The following CSTPP1 variants were observed in gnomAD, a reference collection of about 807,000 sequenced individuals.
CSTPP1 encodes the protein centriolar satellite-associated tubulin polyglutamylase complex regulator 1.
chr11:47,037,853 C>T, the CSTPP1 span, among the ~76,000 whole-genome samples: 8 of 128,146 alleles, frequency 6.2e-5, 2 homozygotes, highest in Non-Finnish European at 1.5e-4. Flanking sequence ...CCTTTCTATT[C>T]CACAAAACCG....
the CSTPP1 span, among the ~76,000 whole-genome samples, chr11:47,020,446 C>T: frequency 6.6e-6 from 1 of 151,818 alleles, no homozygotes; most frequent in Middle Eastern, 3.4e-3. Context: ...AGTTTTGTGC[C>T]CTGTTGACCA....
At chr11:47,054,007 T>A in the CSTPP1 span, among the ~76,000 whole-genome samples, 1 of 151,756 alleles carries the variant, frequency 6.6e-6, no homozygotes, top group Non-Finnish European at 1.5e-5. Flanking sequence ...AAGGCTTTTT[T>A]TTTTTTAAAG....
At chr11:47,115,375 C>A in the CSTPP1 span, among the ~76,000 whole-genome samples, 1 of 152,216 alleles carries the variant, frequency 6.6e-6, no homozygotes, top group Non-Finnish European at 1.5e-5. Context: ...CCCTCTTTTT[C>A]TATTGATTGG....
chr11:47,106,786 C>A, the CSTPP1 span, among the ~76,000 whole-genome samples: 1 of 152,172 alleles, frequency 6.6e-6, no homozygotes, highest in Non-Finnish European at 1.5e-5. Flanking sequence ...GCCCTTCCTG[C>A]CACCAAGGTA....
the CSTPP1 span, among the ~76,000 whole-genome samples, chr11:47,004,649 A>G: frequency 6.6e-6 from 1 of 152,180 alleles, no homozygotes; most frequent in South Asian, 2.1e-4. Context: ...TGCATATGCC[A>G]TTTTCTCACT....
chr11:47,112,258 A>G, the CSTPP1 span, among the ~76,000 whole-genome samples: 1 of 151,964 alleles, frequency 6.6e-6, no homozygotes, highest in Admixed American at 6.6e-5. Flanking sequence ...CTTTTTTTCC[A>G]TTATATTTAT....
At chr11:47,160,841 G>C in the CSTPP1 span, 1 of 467,434 alleles carries the variant, frequency 2.1e-6, no homozygotes, top group Admixed American at 3.6e-5. Context: ...CCAGCACCAG[G>C]TCACAACCAC....
At chr11:47,014,715 AAGAG>A in the CSTPP1 span, among the ~76,000 whole-genome samples, 4 of 148,332 alleles carry the variant, frequency 2.7e-5, no homozygotes, top group Non-Finnish European at 6.0e-5. Context: ...AAGAAAGAGA[AAGAG>A]AGAGAAAGAA....
At chr11:46,996,238 C>T in the CSTPP1 span, among the ~76,000 whole-genome samples, 2 of 152,080 alleles carry the variant, frequency 1.3e-5, no homozygotes, top group African/African-American at 4.8e-5. Context: ...TCCAATTTGC[C>T]AGTCTGTGTC....
the CSTPP1 span, among the ~76,000 whole-genome samples, chr11:47,020,322 T>G: frequency 6.6e-6 from 1 of 152,200 alleles, no homozygotes; most frequent in African/African-American, 2.4e-5. Flanking sequence ...TTTTATAAAA[T>G]AATGTATTTA....
At chr11:47,164,012 G>C in the CSTPP1 span, 1 of 1,491,628 alleles carries the variant, frequency 6.7e-7, no homozygotes. Context: ...CAAGGGGCAG[G>C]ACTGCTGAGG....
At chr11:47,130,003 A>C in the CSTPP1 span, among the ~76,000 whole-genome samples, 7 of 152,206 alleles carry the variant, frequency 4.6e-5, no homozygotes, top group African/African-American at 1.7e-4. Flanking sequence ...TCACGCCTAT[A>C]ATCCCAGCAC....
At chr11:46,968,334 AATAT>A in the CSTPP1 span, among the ~76,000 whole-genome samples, 1 of 147,144 alleles carries the variant, frequency 6.8e-6, no homozygotes, top group East Asian at 1.9e-4. Context: ...AAATGGCATA[AATAT>A]ATATATATTT....
the CSTPP1 span, among the ~76,000 whole-genome samples, chr11:47,056,557 A>G: frequency 6.6e-6 from 1 of 152,212 alleles, no homozygotes; most frequent in South Asian, 2.1e-4. Context: ...TGCCATAAAC[A>G]AGACCTAGAT....
the CSTPP1 span, among the ~76,000 whole-genome samples, chr11:47,067,402 T>C: frequency 2.0e-5 from 3 of 152,188 alleles, no homozygotes; most frequent in East Asian, 3.9e-4. Context: ...ATGACTGAAC[T>C]GTGTCTGCCC....
the CSTPP1 span, among the ~76,000 whole-genome samples, chr11:47,131,925 C>T: frequency 3.3e-5 from 5 of 151,688 alleles, no homozygotes; most frequent in Admixed American, 1.3e-4. Context: ...TGCCATGAGC[C>T]GAGATTGTGC....
At chr11:47,053,619 CAAAAAAAA>C in the CSTPP1 span, among the ~76,000 whole-genome samples, 1 of 96,598 alleles carries the variant, frequency 1.0e-5, no homozygotes, top group Non-Finnish European at 2.1e-5. Flanking sequence ...GACTCTGCCT[CAAAAAAAA>C]AAAAAAAGAA....
chr11:47,122,092 ATATATATAT>A, the CSTPP1 span, among the ~76,000 whole-genome samples: 16 of 35,076 alleles, frequency 4.6e-4, no homozygotes, highest in African/African-American at 6.3e-4. Context: ...AAAAAAAAAA[ATATATATAT>A]ATATATATAT....
the CSTPP1 span, among the ~76,000 whole-genome samples, chr11:46,984,523 A>G: frequency 6.6e-6 from 1 of 152,174 alleles, no homozygotes; most frequent in African/African-American, 2.4e-5. Context: ...GCATGGTCCA[A>G]TATATTTCTT....
Sources: allele counts gnomAD v4.1 joint callset (sites outside exome capture counted in the v4.1 genomes callset), GRCh38; gene constraint gnomAD v4.1.1; transcripts MANE v1.5; gene names NCBI Gene and HGNC (gene_info 2026-07-23, HGNC 2026-07-21).